Variants in TMEM132C observed in about 807,000 individuals in gnomAD.
The protein encoded by TMEM132C is protein phosphatase 1, regulatory subunit 152.
A neutral mutation model predicts 61.4 loss-of-function variants in TMEM132C; 29 were observed. That is an observed-to-expected ratio of 0.47 (90% CI 0.35 to 0.64). The LOEUF (loss-of-function observed/expected upper bound fraction) is 0.64, where lower values mean the gene tolerates loss of function less well. Among genes scored for constraint, TMEM132C ranks in the 30% least tolerant of loss-of-function variants. The probability of loss-of-function intolerance (pLI) is 0.00; values close to 1 mark genes in which losing one functional copy is unlikely to be tolerated. For missense variants in TMEM132C, 1,408 were observed against 1,476.9 expected (o/e 0.95, Z 0.76); for synonymous variants, 656 against 633.1 (o/e 1.04, Z -0.54).
chr12:128,284,180 TTGCATA>T (rs1870984686), intron 1 of TMEM132C, among the ~76,000 whole-genome samples: 1 of 152,150 alleles, frequency 6.6e-6, no homozygotes, highest in Non-Finnish European at 1.5e-5. Context: ...GTGAGCCAAT[TTGCATA>T]ACAAGTCTAC....
chr12:128,277,223 A>G (rs1412817237), intron 1 of TMEM132C, among the ~76,000 whole-genome samples: 1 of 152,220 alleles, frequency 6.6e-6, no homozygotes, highest in African/African-American at 2.4e-5. Context: ...AGAAGGAAAA[A>G]AATAATTTGT....
rs75602913 is a variant in TMEM132C at position 128,570,161 on chromosome 12, G to C, written c.1121+26058G>C. 0.026 allele frequency among the ~76,000 whole-genome samples: 3,984 copies of C among 152,106 alleles called. 78 individuals carry two copies. Among genetic ancestry groups the C allele is most frequent in the Non-Finnish European group, 0.038 (2,608 of 67,986 alleles). Reference sequence around the variant, plus strand: ...CCTTAGCACCAGAGAGGAGTGGAAAGGTGAAAGAAAGAAAATTCAAGGGCT... The same window carrying C: ...CCTTAGCACCAGAGAGGAGTGGAAACGTGAAAGAAAGAAAATTCAAGGGCT... On this transcript the variant is annotated intron_variant, in intron 3 of 8. Transcript: ENST00000435159. This position sits in a 1 kb window ranked among gnomAD's most constrained non-coding sequence, Gnocchi z 4.7.
Position 128,415,570 on chromosome 12 carries a change from G to C in TMEM132C, c.924G>C (p.Thr308=). The change falls in exon 2 of 9, where the codon ACG becomes ACC. Residue 308 remains threonine (T), a synonymous_variant. Transcript: ENST00000435159. The surrounding 1 kb of genome is among the most constrained non-coding windows in gnomAD (Gnocchi z 5.8). ...CAGTCAAGCAGGGAGAGGTGGTCACGGCCTATGTCACCATCTCGAGCAATT... is the reference window on the plus strand; with the variant it reads ...CAGTCAAGCAGGGAGAGGTGGTCACCGCCTATGTCACCATCTCGAGCAATT... ...SRPVKQGEVV[T]AYVTISSNSS... 6.5e-7 allele frequency: 1 copy of C among 1,549,886 alleles called. No homozygotes were observed. Among genetic ancestry groups the C allele is most frequent in the Non-Finnish European group, 8.7e-7 (1 of 1,146,312 alleles).
intron 4 of TMEM132C, among the ~76,000 whole-genome samples, chr12:128,620,366 G>A (rs1953952369): frequency 6.6e-6 from 1 of 152,052 alleles, no homozygotes. Flanking sequence ...CTTCCTGCAG[G>A]TATACTCTAG....
intron 2 of TMEM132C, among the ~76,000 whole-genome samples, chr12:128,436,192 A>C (rs1869582389): frequency 6.6e-6 from 1 of 152,204 alleles, no homozygotes. Context: ...AAACCATAAA[A>C]ACCCTAGAAG....
intron 1 of TMEM132C, among the ~76,000 whole-genome samples, chr12:128,327,352 G>T (rs1446087816): frequency 6.9e-6 from 1 of 145,348 alleles, no homozygotes; most frequent in Non-Finnish European, 1.5e-5. Context: ...GGTGCCCGGG[G>T]CGCAGCTTGG....
intron 2 of TMEM132C, among the ~76,000 whole-genome samples, chr12:128,506,150 A>G (rs1307921966): frequency 6.6e-6 from 1 of 151,996 alleles, no homozygotes; most frequent in African/African-American, 2.4e-5. Context: ...TGGCTTTTAT[A>G]CCCATGGTCG....
intron 2 of TMEM132C, among the ~76,000 whole-genome samples, chr12:128,419,238 G>A (rs917484646): frequency 6.6e-6 from 1 of 152,180 alleles, no homozygotes; most frequent in African/African-American, 2.4e-5. Context: ...TAGGTATTTG[G>A]GCACCGTCTG....
In TMEM132C at chr12:128,649,685, T is replaced by A. The variant is rs143303235; in HGVS notation, c.1306-19732T>A. On this transcript the variant is annotated intron_variant, in intron 4 of 8. Transcript: ENST00000435159. ...AAGTATGTATTTCTCAACTGCCTCCTTTCTTGGCTAGGTTGAAAAAAAATG... is the reference window on the plus strand; with the variant it reads ...AAGTATGTATTTCTCAACTGCCTCCATTCTTGGCTAGGTTGAAAAAAAATG... Among the ~76,000 whole-genome samples the A allele has an allele frequency of 4.6e-5, 7 of 152,356 alleles. No individual in the cohort carries two copies. In the East Asian group the frequency reaches 1.4e-3, roughly 29 times the overall value.
intron 4 of TMEM132C, among the ~76,000 whole-genome samples, chr12:128,617,159 C>G (rs904533257): frequency 2.0e-5 from 3 of 152,156 alleles, no homozygotes; most frequent in Non-Finnish European, 4.4e-5. Flanking sequence ...ACTTATTTTT[C>G]AAAGCTCCTA....
rs193184674 is a variant in TMEM132C at position 128,474,511 on chromosome 12, C to G, written c.974+58891C>G. On this transcript the variant is annotated intron_variant, in intron 2 of 8. Transcript: ENST00000435159. ...AGATGGGGCAGCTTCACTAGAGACA[C>G]AGTTTATCTTGCAGCAAAGCAGCAG... Among the ~76,000 whole-genome samples, 11 of 152,304 alleles carry G rather than the reference C, an allele frequency of 7.2e-5. No individual in the cohort carries two copies. The East Asian group carries it at 2.1e-3, about 29-fold the overall frequency.
intron 2 of TMEM132C, among the ~76,000 whole-genome samples, chr12:128,495,685 G>T (rs1798980087): frequency 6.6e-6 from 1 of 152,006 alleles, no homozygotes; most frequent in Non-Finnish European, 1.5e-5. Flanking sequence ...CATTTGCTTG[G>T]TAGATCTTCC....
At chr12:128,349,940 C>CGT (rs1273740293) in intron 1 of TMEM132C, among the ~76,000 whole-genome samples, 19 of 152,008 alleles carry the variant, frequency 1.2e-4, no homozygotes, top group Non-Finnish European at 2.2e-4. Flanking sequence ...CACACACACA[C>CGT]ACGTGCAAGC....
intron 3 of TMEM132C, among the ~76,000 whole-genome samples, chr12:128,556,048 C>A (rs1874320848): frequency 6.6e-6 from 1 of 152,184 alleles, no homozygotes; most frequent in African/African-American, 2.4e-5. Flanking sequence ...ACACTAAACT[C>A]TTCCAAGAGA....
At chr12:128,554,250 C>G (rs964006222) in intron 3 of TMEM132C, among the ~76,000 whole-genome samples, 1 of 152,110 alleles carries the variant, frequency 6.6e-6, no homozygotes, top group Admixed American at 6.6e-5. Context: ...ATGCAAGGGA[C>G]AGGTGAAAGG....
At chr12:128,574,808 C>A (rs1875029603) in intron 3 of TMEM132C, among the ~76,000 whole-genome samples, 1 of 152,176 alleles carries the variant, frequency 6.6e-6, no homozygotes, top group Admixed American at 6.5e-5. Flanking sequence ...CTGAATTTGG[C>A]CAGTGCAGGC....
intron 2 of TMEM132C, among the ~76,000 whole-genome samples, chr12:128,531,036 G>T (rs1873276587): frequency 6.6e-6 from 1 of 152,190 alleles, no homozygotes; most frequent in African/African-American, 2.4e-5. Flanking sequence ...AGAAGGAGAG[G>T]AATGGAAAGG....
Position 128,415,544 on chromosome 12 carries a change from C to A in TMEM132C, c.898C>A (p.Pro300Thr). The A allele has an allele frequency of 1.3e-6, 2 of 1,551,328 alleles. No individual in the cohort carries two copies. The highest frequency in any genetic ancestry group is 1.7e-6 in the Non-Finnish European group (2 of 1,146,948). The change falls in exon 2 of 9, where the codon CCA becomes ACA. Residue 300 changes from proline to threonine, a missense_variant. Pro to Thr is a conservative substitution (Grantham distance 38). Transcript: ENST00000435159. This position sits in a 1 kb window ranked among gnomAD's most constrained non-coding sequence, Gnocchi z 5.8. ...GNVVIWLPSRPVKQGEVVTAY... is the reference protein window; with the variant it reads ...GNVVIWLPSRTVKQGEVVTAY... The stretch of plus-strand genomic sequence containing the variant: ...CGTGGTCATCTGGCTGCCTTCCAGG[C>A]CAGTCAAGCAGGGAGAGGTGGTCAC...
chr12:128,504,272 T>C (rs1410377640), intron 2 of TMEM132C, among the ~76,000 whole-genome samples: 4 of 152,166 alleles, frequency 2.6e-5, no homozygotes, highest in Non-Finnish European at 5.9e-5. Flanking sequence ...CTTGAAGTTG[T>C]GCCAATATGC....
Sources: allele counts gnomAD v4.1 joint callset (sites outside exome capture counted in the v4.1 genomes callset), GRCh38; gene constraint gnomAD v4.1.1; non-coding constraint Gnocchi (gnomAD v3.1); transcripts MANE v1.5; gene names NCBI Gene and HGNC (gene_info 2026-07-23, HGNC 2026-07-21).